ERICH1: variants seen among roughly 807,000 people sequenced by gnomAD.
ERICH1 encodes glutamate-rich protein 1.
ERICH1 carries 56 observed loss-of-function variants against 39.6 expected under a neutral mutation model. The ratio of observed to expected loss-of-function variants is 1.41; its 90% CI spans 1.14 to 1.77. ERICH1 has a LOEUF of 1.77. Ranked by LOEUF, ERICH1 falls within the 40% of genes most tolerant of loss-of-function variation. The pLI is 0.00. For synonymous variants in ERICH1, 313 were observed against 223.6 expected, an observed-to-expected ratio of 1.40 and a Z score of -3.57; for missense variants, 826 against 575.4, an observed-to-expected ratio of 1.44 and a Z score of -4.45.
intron 3 of ERICH1, chr8:640,893 C>T (rs541418529): frequency 6.6e-6 from 1 of 152,214 alleles, no homozygotes; most frequent in Non-Finnish European, 1.5e-5. Flanking sequence ...AAAATCTCAA[C>T]TTTGTTTCAA....
chr8:726,941 T>C (rs1272467439), intron 1 of ERICH1, among the ~76,000 whole-genome samples: 1 of 141,666 alleles, frequency 7.1e-6, no homozygotes, highest in Admixed American at 7.0e-5. Flanking sequence ...CACACATACA[T>C]ACACCACACA....
rs770397148 is a variant in ERICH1 at position 668,793 on chromosome 8, C to CT, written c.1064-2dup. 12 of 1,586,836 alleles carry CT rather than the reference C, an allele frequency of 7.6e-6. No individual in the cohort carries two copies. The African/African-American group carries it at 1.2e-4, about 16-fold the overall frequency. On this transcript the variant is annotated splice_acceptor_variant, in intron 4 of 5. Coordinates refer to ENST00000262109, the MANE Select transcript of ERICH1 (RefSeq NM_207332.3). LOFTEE classifies it high-confidence loss of function. ...GCTGAAGCTGCATCTCTGGAGACAC[C>CT]TACATAAAGTCAGTTTTGCTTGGAA...
chr8:656,096 C>A (rs550066220), intron 3 of ERICH1, among the ~76,000 whole-genome samples: 2 of 152,176 alleles, frequency 1.3e-5, no homozygotes, highest in African/African-American at 4.8e-5. Context: ...TCTGAACTGC[C>A]TGTGACCACA....
chr8:627,262 T>A, intron 3 of ERICH1: 1 of 455,826 alleles, frequency 2.2e-6, no homozygotes, highest in Non-Finnish European at 4.4e-6. Context: ...ATAAGAACAC[T>A]TACCTTACAG....
At chr8:662,928 C>T (rs564036302), downstream of ERICH1, among the ~76,000 whole-genome samples, 18 of 152,150 alleles carry the variant, frequency 1.2e-4, no homozygotes, top group Non-Finnish European at 1.5e-4. Flanking sequence ...TGCCAAAAGA[C>T]GGTGAAGCAG....
intron 3 of ERICH1, among the ~76,000 whole-genome samples, chr8:636,502 T>C (rs1798453538): frequency 6.6e-6 from 1 of 152,260 alleles, no homozygotes; most frequent in South Asian, 2.1e-4. Flanking sequence ...GGCATCTGCC[T>C]GGGTTCTGCC....
intron 3 of ERICH1, among the ~76,000 whole-genome samples, chr8:684,231 G>C (rs1466500208): frequency 6.6e-6 from 1 of 151,906 alleles, no homozygotes; most frequent in Non-Finnish European, 1.5e-5. Context: ...AAAACCATGA[G>C]GCAAGTCATT....
chr8:684,859 G>A (rs1418167030), intron 3 of ERICH1, among the ~76,000 whole-genome samples: 1 of 152,162 alleles, frequency 6.6e-6, no homozygotes, highest in Non-Finnish European at 1.5e-5. Flanking sequence ...TACAAATACG[G>A]TATGGGTCAC....
At chr8:650,982 C>T (rs747605841) in intron 3 of ERICH1, among the ~76,000 whole-genome samples, 7 of 152,270 alleles carry the variant, frequency 4.6e-5, no homozygotes, top group South Asian at 2.1e-4. Context: ...TACGAATCAC[C>T]GAAGCCAGGC....
At chr8:644,367 C>T (rs1338671844) in intron 3 of ERICH1, among the ~76,000 whole-genome samples, 4 of 152,216 alleles carry the variant, frequency 2.6e-5, no homozygotes, top group Non-Finnish European at 5.9e-5. Context: ...TGGTTTCTTG[C>T]TTGTGACGCT....
At position 668,727 on chromosome 8, in the gene ERICH1, C is replaced by G. The variant is rs762788275; in HGVS notation, c.1129G>C (p.Ala377Pro). 10 of 1,613,764 alleles carry G rather than the reference C, an allele frequency of 6.2e-6. No homozygotes were observed. Among genetic ancestry groups the G allele is most frequent in the African/African-American group, 1.3e-5 (1 of 74,934 alleles). The part of the protein sequence containing the change: ...DAAEELLDRL[A>P]SHSMLPSDVS... ...TCTGAGGGCAGCATGCTGTGTGACG[C>G]AAGGCGGTCCAGCAGCTCCTCAGCG... Residue 377 changes from alanine (A) to proline (P), a missense_variant, in exon 5 of 6, where the codon GCG (alanine) becomes CCG (proline). By Grantham distance (27) the Ala-to-Pro change is conservative. Coordinates refer to ENST00000262109, the MANE Select transcript of ERICH1 (RefSeq NM_207332.3).
At chr8:719,909 T>A (rs970015557) in intron 1 of ERICH1, among the ~76,000 whole-genome samples, 1 of 152,192 alleles carries the variant, frequency 6.6e-6, no homozygotes, top group Admixed American at 6.5e-5. Context: ...CCCTCCAGCA[T>A]GGACCTGGTG....
intron 3 of ERICH1, among the ~76,000 whole-genome samples, chr8:688,658 G>A (rs1467290912): frequency 6.6e-6 from 1 of 152,198 alleles, no homozygotes; most frequent in Non-Finnish European, 1.5e-5. Flanking sequence ...GCCATTTTAA[G>A]AATCTAAGAA....
At chr8:693,683 C>T (rs1809475503) in intron 2 of ERICH1, among the ~76,000 whole-genome samples, 1 of 151,508 alleles carries the variant, frequency 6.6e-6, no homozygotes, top group Non-Finnish European at 1.5e-5. Context: ...CTGCTGTGTG[C>T]CCCTCTACCA....
At chr8:621,545 G>A (rs1797282372) in intron 3 of ERICH1, among the ~76,000 whole-genome samples, 2 of 151,536 alleles carry the variant, frequency 1.3e-5, no homozygotes, top group South Asian at 4.2e-4. Flanking sequence ...AGAGAAAGGA[G>A]ATAGAGAAGA....
intron 3 of ERICH1, among the ~76,000 whole-genome samples, chr8:688,190 A>T (rs1175363970): frequency 2.7e-5 from 4 of 147,094 alleles, no homozygotes; most frequent in East Asian, 4.0e-4. Flanking sequence ...GGCGCAGGAC[A>T]CGGCAAGGCC....
intron 3 of ERICH1, among the ~76,000 whole-genome samples, chr8:635,332 G>C (rs1798341556): frequency 6.6e-6 from 1 of 152,210 alleles, no homozygotes; most frequent in African/African-American, 2.4e-5. Context: ...GTTTATCCGG[G>C]TATAACGGAT....
At chr8:715,478 C>A (rs1815701579) in intron 2 of ERICH1, among the ~76,000 whole-genome samples, 1 of 152,208 alleles carries the variant, frequency 6.6e-6, no homozygotes, top group Non-Finnish European at 1.5e-5. Flanking sequence ...GAAGCCTGTC[C>A]CTGAGTGGGC....
chr8:629,318 CAG>C (rs1260894267), intron 3 of ERICH1, among the ~76,000 whole-genome samples: 2 of 151,530 alleles, frequency 1.3e-5, no homozygotes, highest in Non-Finnish European at 1.5e-5. Context: ...TGACCACCCA[CAG>C]AGACAGAGCT....
Sources: allele counts gnomAD v4.1 joint callset (sites outside exome capture counted in the v4.1 genomes callset), GRCh38; gene constraint gnomAD v4.1.1; transcripts MANE v1.5; gene names NCBI Gene and HGNC (gene_info 2026-07-23, HGNC 2026-07-21).